SPAG17: variants seen among roughly 807,000 people sequenced by gnomAD.
SPAG17 encodes the protein sperm associated antigen 17, also known as sperm-associated antigen 17.
A neutral mutation model predicts 273.6 loss-of-function variants in SPAG17; 169 were observed. That is an observed-to-expected ratio of 0.62 (90% CI 0.55 to 0.70). SPAG17 has a LOEUF of 0.70. SPAG17 is among the 30% of genes least tolerant of loss of function. SPAG17 has a pLI of 0.00. For synonymous variants in SPAG17, 825 were observed against 873.2 expected, an observed-to-expected ratio of 0.94 and a Z score of 0.97; for missense variants, 2,557 against 2,627.8, an observed-to-expected ratio of 0.97 and a Z score of 0.59.
intron 38 of SPAG17, among the ~76,000 whole-genome samples, chr1:117,988,643 C>T (rs903434504): frequency 3.9e-5 from 6 of 152,054 alleles, no homozygotes; most frequent in Non-Finnish European, 5.9e-5. Context: ...TCACAAAACA[C>T]GCTCTTGGTG....
Position 118,150,532 on chromosome 1 carries a change from CT to C in SPAG17, c.315+10del. The C allele has an allele frequency of 6.9e-7, 1 of 1,455,988 alleles. No individual in the cohort carries two copies. Among genetic ancestry groups the C allele is most frequent in the South Asian group, 1.3e-5 (1 of 76,930 alleles). The allele number at this position is 1,455,988 out of a possible 1,614,324, so 90.2% of individuals were successfully genotyped here. A position where few individuals can be genotyped will look rare whatever the true frequency, so the allele number is the denominator to read the frequency against. ...AACACAAAAATATCTTCTATAAACA[CT>C]TTCACTTACCTCATAATATAAAGGA... On this transcript the variant is annotated intron_variant, in intron 3 of 48. Transcript: ENST00000336338.
intron 3 of SPAG17, among the ~76,000 whole-genome samples, chr1:118,142,989 C>T (rs1215355298): frequency 6.6e-6 from 1 of 152,122 alleles, no homozygotes; most frequent in East Asian, 1.9e-4. Context: ...TTCTTTCATC[C>T]TCCAAAGAAA....
intron 3 of SPAG17, among the ~76,000 whole-genome samples, chr1:118,116,969 A>T (rs1657122003): frequency 6.6e-6 from 1 of 152,216 alleles, no homozygotes; most frequent in Non-Finnish European, 1.5e-5. Flanking sequence ...CCATTTAATG[A>T]TGACCAGATC....
intron 1 of SPAG17, among the ~76,000 whole-genome samples, chr1:118,165,778 T>TG (rs1280278948): frequency 6.6e-6 from 1 of 151,350 alleles, no homozygotes; most frequent in Non-Finnish European, 1.5e-5. Flanking sequence ...CCCAAGTAGC[T>TG]GGAACTACAG....
intron 32 of SPAG17, among the ~76,000 whole-genome samples, chr1:118,000,846 T>C (rs1658196732): frequency 6.6e-6 from 1 of 152,210 alleles, no homozygotes; most frequent in South Asian, 2.1e-4. Flanking sequence ...TGGCCAGAAC[T>C]TCTGACACTA....
chr1:118,086,681 T>C lies in SPAG17; in HGVS notation c.1601A>G (p.Tyr534Cys), dbSNP rs375616464. ...NYHDAHAHKK[Y>C]ALQDQKNFDP... is the part of the protein sequence containing the mutation. ...CCTGATTATTATTACCTGTAGTGCGTACTTCTTGTGGGCGTGTGCATCATG... is the reference window on the plus strand; with the variant it reads ...CCTGATTATTATTACCTGTAGTGCGCACTTCTTGTGGGCGTGTGCATCATG... Residue 534 changes from tyrosine (Y) to cysteine (C), a missense_variant, in exon 12 of 49, where the codon TAC becomes TGC. Tyr to Cys is a radical substitution (Grantham distance 194). Coordinates refer to ENST00000336338, the MANE Select transcript of SPAG17 (RefSeq NM_206996.4). 6.2e-7 allele frequency: 1 copy of C among 1,614,120 alleles called. No individual in the cohort carries two copies. The highest frequency in any genetic ancestry group is 8.5e-7 in the Non-Finnish European group (1 of 1,179,944).
At chr1:118,135,991 G>A (rs948508958) in intron 3 of SPAG17, among the ~76,000 whole-genome samples, 14 of 152,090 alleles carry the variant, frequency 9.2e-5, no homozygotes, top group African/African-American at 3.4e-4. Flanking sequence ...ATAACTGCAG[G>A]CACTGGGCAA....
chr1:118,107,644 G>A (rs1656484977), intron 4 of SPAG17, among the ~76,000 whole-genome samples: 1 of 151,944 alleles, frequency 6.6e-6, no homozygotes, highest in Non-Finnish European at 1.5e-5. Flanking sequence ...ACAGCTGCAT[G>A]CCACCATGCC....
intron 48 of SPAG17, chr1:117,961,922 A>AT (rs1459061055): frequency 1.3e-5 from 2 of 152,166 alleles, no homozygotes; most frequent in Non-Finnish European, 1.5e-5. Context: ...AAAAAATTTA[A>AT]TTTTTTATGA....
At chr1:117,970,418 G>A (rs1171637703) in intron 45 of SPAG17, among the ~76,000 whole-genome samples, 2 of 152,186 alleles carry the variant, frequency 1.3e-5, no homozygotes, top group African/African-American at 4.8e-5. Flanking sequence ...GCTGGTGCGT[G>A]CATTTCAGCG....
At chr1:118,012,957 C>T (rs1321947062) in intron 29 of SPAG17, among the ~76,000 whole-genome samples, 4 of 152,146 alleles carry the variant, frequency 2.6e-5, no homozygotes, top group Non-Finnish European at 4.4e-5. Context: ...GTATGAGAAG[C>T]GGTGTGCGTG....
chr1:117,973,572 G>C lies in SPAG17; in HGVS notation c.6005-11C>G, dbSNP rs1654808607. The C allele has an allele frequency of 3.1e-6, 5 of 1,612,204 alleles. No homozygotes were observed. The highest frequency in any genetic ancestry group is 3.4e-6 in the Non-Finnish European group (4 of 1,178,844). On this transcript the variant is annotated splice_polypyrimidine_tract_variant and intron_variant, in intron 43 of 48. Coordinates refer to ENST00000336338, the MANE Select transcript of SPAG17 (RefSeq NM_206996.4). ...CATAAGATTCTGCTTCTGTTAGAGA[G>C]AAAGCTTAAATTATGCCACATGGAC...
At chr1:117,987,501 C>T (rs10923459) in intron 40 of SPAG17, among the ~76,000 whole-genome samples, 9,658 of 152,242 alleles carry the variant, frequency 0.063, 526 homozygotes, top group East Asian at 0.31. Flanking sequence ...GAGCACATTC[C>T]TCCTGTGAAT....
At chr1:118,022,376 AC>A (rs1186059128) in intron 28 of SPAG17, among the ~76,000 whole-genome samples, 12 of 152,146 alleles carry the variant, frequency 7.9e-5, no homozygotes, top group African/African-American at 2.7e-4. Flanking sequence ...GAAAATGATG[AC>A]CATCACAATG....
At chr1:118,151,058 A>T (rs1230881730) in intron 2 of SPAG17, among the ~76,000 whole-genome samples, 171 bp downstream of exon 2, 2 of 152,232 alleles carry the variant, frequency 1.3e-5, no homozygotes, top group Non-Finnish European at 2.9e-5. Flanking sequence ...AACAAAAATA[A>T]ATTCTTCCAG....
intron 1 of SPAG17, among the ~76,000 whole-genome samples, chr1:118,154,399 A>C (rs1337304877): frequency 6.6e-6 from 1 of 152,198 alleles, no homozygotes. Context: ...AGAAGGATGC[A>C]CTCATTGTGA....
intron 1 of SPAG17, among the ~76,000 whole-genome samples, chr1:118,151,879 A>C (rs1270907557): frequency 1.3e-5 from 2 of 152,220 alleles, no homozygotes; most frequent in Non-Finnish European, 2.9e-5. Context: ...TAACACAGGA[A>C]TCTTACTGCT....
intron 3 of SPAG17, among the ~76,000 whole-genome samples, chr1:118,128,047 C>T (rs1024591730): frequency 5.9e-5 from 9 of 151,708 alleles, no homozygotes; most frequent in African/African-American, 1.2e-4. Flanking sequence ...GCTTGAATCC[C>T]GGAGGCGGAT....
At position 118,031,956 on chromosome 1, in the gene SPAG17, C is replaced by T. The variant is rs541043799; in HGVS notation, c.3434-89G>A. ...AACATTTACAACTCAAAAATTTACACAAGTTGACAACAATTTTTACCTTGC... is the reference window on the plus strand; with the variant it reads ...AACATTTACAACTCAAAAATTTACATAAGTTGACAACAATTTTTACCTTGC... On this transcript the variant is annotated intron_variant, in intron 24 of 48. Coordinates refer to ENST00000336338, the MANE Select transcript of SPAG17 (RefSeq NM_206996.4). 11 of 1,041,328 alleles carry T rather than the reference C, an allele frequency of 1.1e-5. No homozygotes were observed. In the African/African-American group the frequency reaches 1.8e-4, roughly 17 times the overall value. The allele number at this position is 1,041,328 out of a possible 1,614,324, so 64.5% of individuals were successfully genotyped here.
Sources: gnomAD v4.1 joint callset for allele counts (sites outside exome capture counted in the v4.1 genomes callset) on GRCh38, gnomAD v4.1.1 for gene constraint, MANE v1.5 for transcripts, NCBI Gene and HGNC (gene_info 2026-07-23, HGNC 2026-07-21) for gene names.